DNAH12: variants seen among roughly 807,000 people sequenced by gnomAD.
DNAH12 encodes the protein axonemal beta dynein heavy chain 12.
In DNAH12, 285 loss-of-function variants were observed where a neutral mutation model predicts 371.5. The ratio of observed to expected loss-of-function variants is 0.77; its 90% CI spans 0.70 to 0.85. The LOEUF (loss-of-function observed/expected upper bound fraction) is 0.85, where lower values mean the gene tolerates loss of function less well. DNAH12 is among the 40% of genes least tolerant of loss of function. The pLI is 0.00. For missense variants in DNAH12, 3,611 were observed against 3,689.4 expected (o/e 0.98, Z 0.55); for synonymous variants, 1,200 against 1,213.0 (o/e 0.99, Z 0.22).
intron 70 of DNAH12, 42 bp from the exon 71 acceptor site, chr3:57,297,026 T>C: frequency 6.5e-7 from 1 of 1,544,674 alleles, no homozygotes; most frequent in Non-Finnish European, 8.7e-7. Flanking sequence ...GTTTTTAAAG[T>C]TATACAAGTG....
At chr3:57,399,613 T>G (rs962576606) in intron 43 of DNAH12, among the ~76,000 whole-genome samples, 1 of 152,210 alleles carries the variant, frequency 6.6e-6, no homozygotes, top group Non-Finnish European at 1.5e-5. Flanking sequence ...CAGGAAGATA[T>G]AACAATTACA....
intron 20 of DNAH12, 143 bp downstream of exon 20, chr3:57,459,449 T>C: frequency 6.5e-6 from 5 of 765,578 alleles, no homozygotes; most frequent in Non-Finnish European, 9.4e-6. Context: ...AATACTTTTA[T>C]GCTTTCTTAT....
chr3:57,352,475 T>C (rs1358533419), intron 59 of DNAH12, among the ~76,000 whole-genome samples: 1 of 152,108 alleles, frequency 6.6e-6, no homozygotes, highest in Non-Finnish European at 1.5e-5. Context: ...ACGTGAAACC[T>C]CTCTGCACGT....
chr3:57,529,729 T>A (rs1468735791), intron 2 of DNAH12, among the ~76,000 whole-genome samples: 1 of 152,226 alleles, frequency 6.6e-6, no homozygotes, highest in Non-Finnish European at 1.5e-5. Flanking sequence ...CATTCCAATG[T>A]CATTTATTTC....
chr3:57,438,566 A>C (rs1028108216), intron 29 of DNAH12, among the ~76,000 whole-genome samples: 2 of 152,156 alleles, frequency 1.3e-5, no homozygotes, highest in Admixed American at 6.5e-5. Flanking sequence ...GAAACTGATA[A>C]ATGACTATGG....
At chr3:57,304,870 C>T (rs1417277044) in intron 69 of DNAH12, among the ~76,000 whole-genome samples, 1 of 152,100 alleles carries the variant, frequency 6.6e-6, no homozygotes, top group African/African-American at 2.4e-5. Context: ...CAAGCACCCC[C>T]CACCCCTTCT....
Position 57,508,406 on chromosome 3 carries a change from A to G in DNAH12, c.677T>C (p.Val226Ala). ...CCTAATTCCTGTGAAGTCCAACAAA[A>G]CTGTATCAGCAAATGTTGTATAACC... ...DLGYTTFADT[V>A]LLDFTGIRAK... The change falls in exon 7 of 74, where the codon GTT becomes GCT. Residue 226 changes from valine to alanine, a missense_variant. By Grantham distance (64) the Val-to-Ala change is moderately conservative. This residue lies in a region of DNAH12 where 1,314 missense variants were observed against 1,398.7 expected (regional missense o/e 0.94). Coordinates refer to ENST00000495027, the MANE Select transcript of DNAH12 (RefSeq NM_001366028.2). The G allele has an allele frequency of 6.2e-7, 1 of 1,607,156 alleles. No homozygotes were observed. The highest frequency in any genetic ancestry group is 1.1e-5 in the South Asian group (1 of 89,064).
intron 62 of DNAH12, among the ~76,000 whole-genome samples, chr3:57,324,465 T>C (rs2061884376): frequency 6.6e-6 from 1 of 152,134 alleles, no homozygotes; most frequent in African/African-American, 2.4e-5. Flanking sequence ...GCTGTGAAGG[T>C]ATTTTTGGAT....
At chr3:57,301,002 C>G (rs918996419) in intron 70 of DNAH12, among the ~76,000 whole-genome samples, 4 of 151,824 alleles carry the variant, frequency 2.6e-5, no homozygotes, top group African/African-American at 9.7e-5. Flanking sequence ...AGACAATGGC[C>G]AATTATTGAT....
intron 11 of DNAH12, among the ~76,000 whole-genome samples, chr3:57,498,719 G>A (rs998706175): frequency 8.5e-5 from 13 of 152,108 alleles, no homozygotes; most frequent in Non-Finnish European, 1.8e-4. Flanking sequence ...AATAAGTTAG[G>A]CTAGGCGCGG....
At chr3:57,332,330 TG>T (rs879630260) in intron 62 of DNAH12, among the ~76,000 whole-genome samples, 1 of 152,188 alleles carries the variant, frequency 6.6e-6, no homozygotes, top group Non-Finnish European at 1.5e-5. Context: ...AATTGTGACA[TG>T]TACAAAATTT....
chr3:57,340,444 A>G (rs2062366288), intron 60 of DNAH12, among the ~76,000 whole-genome samples: 1 of 152,094 alleles, frequency 6.6e-6, no homozygotes, highest in South Asian at 2.1e-4. Flanking sequence ...AGAAGACCCA[A>G]ATAAAATCAC....
intron 60 of DNAH12, among the ~76,000 whole-genome samples, chr3:57,341,152 C>A (rs978540722): frequency 2.0e-5 from 3 of 150,758 alleles, no homozygotes; most frequent in Non-Finnish European, 4.4e-5. Context: ...CTATATAAGA[C>A]AAACCCACAG....
At chr3:57,391,698 C>A (rs2153347244) in intron 45 of DNAH12, among the ~76,000 whole-genome samples, 174 bp downstream of exon 45, 1 of 152,262 alleles carries the variant, frequency 6.6e-6, no homozygotes, top group East Asian at 1.9e-4. Context: ...AGTGTAAGCT[C>A]CTTGTGAGGA....
the DNAH12 span, among the ~76,000 whole-genome samples, chr3:57,552,385 C>T: frequency 6.6e-6 from 1 of 152,126 alleles, no homozygotes; most frequent in Non-Finnish European, 1.5e-5. Context: ...TTATCTATTA[C>T]TTCATTTAAT....
intron 73 of DNAH12, among the ~76,000 whole-genome samples, chr3:57,294,739 G>T (rs1262356814): frequency 1.3e-5 from 2 of 152,054 alleles, no homozygotes; most frequent in African/African-American, 4.8e-5. Context: ...TAAATAATAA[G>T]AAAAACATGT....
chr3:57,502,534 T>A (rs2067589226), intron 9 of DNAH12, 55 bp from the exon 10 acceptor site: 8 of 1,523,710 alleles, frequency 5.3e-6, no homozygotes, highest in Non-Finnish European at 7.1e-6. Flanking sequence ...ACTGTATAAT[T>A]AATCTATATG....
intron 2 of DNAH12, among the ~76,000 whole-genome samples, chr3:57,542,167 GGGC>G (rs1559767496): frequency 1.8e-5 from 2 of 112,630 alleles, no homozygotes; most frequent in Admixed American, 9.3e-5. Flanking sequence ...GGGGGGGGGG[GGGC>G]GGTGAGTAGG....
intron 2 of DNAH12, among the ~76,000 whole-genome samples, chr3:57,541,765 C>A (rs1047266881): frequency 2.0e-5 from 3 of 151,354 alleles, no homozygotes; most frequent in Non-Finnish European, 4.4e-5. Flanking sequence ...TAAATTATTG[C>A]TGGACTAATA....
Sources: allele counts gnomAD v4.1 joint callset (sites outside exome capture counted in the v4.1 genomes callset), GRCh38; gene constraint gnomAD v4.1.1; regional missense constraint gnomAD v4.1.1; transcripts MANE v1.5; gene names NCBI Gene and HGNC (gene_info 2026-07-23, HGNC 2026-07-21).